The following CLCN2 variants were observed in gnomAD, a reference collection of about 807,000 sequenced individuals.
The protein encoded by CLCN2 is chloride voltage-gated channel 2.
A neutral mutation model predicts 108.3 loss-of-function variants in CLCN2; 72 were observed. The observed-to-expected ratio is 0.66, with a 90% CI of 0.55 to 0.81. CLCN2 has a LOEUF of 0.81. Among genes scored for constraint, CLCN2 ranks in the 30% least tolerant of loss-of-function variants. The pLI, the probability that CLCN2 is intolerant of heterozygous loss-of-function variation, is 0.00. For missense variants in CLCN2, 1,048 were observed against 1,205.2 expected, an observed-to-expected ratio of 0.87 and a Z score of 1.93; for synonymous variants, 471 against 467.1, an observed-to-expected ratio of 1.01 and a Z score of -0.11.
At chr3:184,353,007 T>C in intron 18 of CLCN2, 26 bp downstream of exon 18, 1 of 1,601,174 alleles carries the variant, frequency 6.2e-7, no homozygotes, top group Non-Finnish European at 8.6e-7. Flanking sequence ...GCTGAGGCTC[T>C]GTGGACACAG....
At chr3:184,350,229 G>C (rs1238161562) in intron 22 of CLCN2, among the ~76,000 whole-genome samples, 2 of 152,176 alleles carry the variant, frequency 1.3e-5, no homozygotes, top group African/African-American at 4.8e-5. Context: ...CCTGGGAACA[G>C]TGAACTGACA....
chr3:184,352,436 T>G lies in CLCN2; in HGVS notation c.2271+7A>C, dbSNP rs1000967823. On this transcript the variant is annotated splice_region_variant and intron_variant, in intron 20 of 23. Transcript: ENST00000265593. ...CGCCGAGATGCTAGAAGAGCAGGCA[T>G]ACTTACTGCCAGGGAGATTCGGACA... 1.2e-6 allele frequency: 2 copies of G among 1,613,082 alleles called. No individual in the cohort carries two copies. Among genetic ancestry groups the G allele is most frequent in the Non-Finnish European group, 1.7e-6 (2 of 1,179,838 alleles).
rs568335048 is a variant in CLCN2, at chr3:184,353,320, C to G, written c.1958G>C (p.Arg653Thr). The change falls in exon 17 of 24, where the codon AGA becomes ACA. Residue 653 changes from arginine to threonine, a missense_variant. Arg to Thr is a moderately conservative substitution (Grantham distance 71). Coordinates refer to ENST00000265593, the MANE Select transcript of CLCN2 (RefSeq NM_004366.6). ...AGATAGTGGAGAGGTCTGGGTGGCT[C>G]TGCGCTCCTGCATGTGCTGCCGCCG... ...ARRRQHMQER[R>T]ATQTSPLSDQ... 442 of 1,613,534 alleles carry G rather than the reference C, an allele frequency of 2.7e-4. 11 individuals carry two copies. In the South Asian group the frequency reaches 3.6e-3, roughly 13 times the overall value.
Position 184,353,716 on chromosome 3 carries a change from G to GC in CLCN2, c.1800dup (p.Arg601AlafsTer19), listed in dbSNP as rs1560257643. Reference sequence around the variant, plus strand: ...CCCTTGGTCCTGTGCAGTGCCAAACGCAGGTCCCGGAAGGTGCAGCTGAGG... The same window carrying GC: ...CCCTTGGTCCTGTGCAGTGCCAAACGCCAGGTCCCGGAAGGTGCAGCTGAGG... On this transcript the variant is annotated frameshift_variant, in exon 16 of 24. Transcript: ENST00000265593. LOFTEE classifies it high-confidence loss of function. The GC allele has an allele frequency of 6.2e-7, 1 of 1,610,124 alleles. No homozygotes were observed. Among genetic ancestry groups the GC allele is most frequent in the African/African-American group, 1.3e-5 (1 of 75,012 alleles).
In CLCN2 at chr3:184,357,627, A is replaced by G; in HGVS notation, c.765T>C (p.Pro255=). ...CCTAGGAGCCCTGCCTACCTCCAAT[A>G]GGTGCCGCGAAGCAGCAGCCCACCC... is the stretch of plus-strand genomic sequence containing the variant. The part of the protein sequence containing the change: ...AVGVGCCFAA[P]IGGVLFSIEV... The change falls in exon 7 of 24, where the codon CCT becomes CCC. Residue 255 remains proline, a synonymous_variant. Transcript: ENST00000265593. The G allele has an allele frequency of 6.2e-7, 1 of 1,613,988 alleles. No homozygotes were observed. The highest frequency in any genetic ancestry group is 8.5e-7 in the Non-Finnish European group (1 of 1,180,024).
At chr3:184,347,388 C>T (rs1213360139) in intron 22 of CLCN2, 6 of 368,754 alleles carry the variant, frequency 1.6e-5, no homozygotes, top group Non-Finnish European at 3.1e-5. Context: ...CATTTAATTC[C>T]AGTACTGTCC....
At chr3:184,357,895 G>C (rs750047316) in intron 5 of CLCN2, 39 bp from the exon 6 acceptor site, 2 of 1,613,452 alleles carry the variant, frequency 1.2e-6, no homozygotes, top group South Asian at 1.1e-5. Flanking sequence ...GAGGGGGCCC[G>C]CCCTGACCTT....
intron 1 of CLCN2, among the ~76,000 whole-genome samples, chr3:184,360,818 G>T (rs1235858211): frequency 6.6e-6 from 1 of 152,158 alleles, no homozygotes; most frequent in East Asian, 1.9e-4. Context: ...ATAGACAAAG[G>T]TCCCAATTCC....
In CLCN2 at chr3:184,356,002, G is replaced by A. The variant is rs554483779; in HGVS notation, c.1086-224C>T. 29 of 546,166 alleles carry A rather than the reference G, an allele frequency of 5.3e-5. No individual in the cohort carries two copies. In the South Asian group the frequency reaches 5.7e-4, roughly 11 times the overall value. The allele number at this position is 546,166 out of a possible 1,614,324, so 33.8% of individuals were successfully genotyped here. On this transcript the variant is annotated intron_variant, in intron 10 of 23. Coordinates refer to ENST00000265593, the MANE Select transcript of CLCN2 (RefSeq NM_004366.6). ...CCCAAAGACCTTTCTGTCAGCCCCT[G>A]ACTCTGTAGGTGGGTAGCAGCAGCA... is the stretch of plus-strand genomic sequence containing the variant.
Position 184,357,111 on chromosome 3 carries a change from C to T in CLCN2, c.984-17G>A. On this transcript the variant is annotated splice_polypyrimidine_tract_variant and intron_variant, in intron 9 of 23. Coordinates refer to ENST00000265593, the MANE Select transcript of CLCN2 (RefSeq NM_004366.6). ...CTAGCAATACTGGAAAGGGAAGAGG[C>T]ACCTGAGTGAAAAGGAGCCTTCTAG... 5 of 1,611,624 alleles carry T rather than the reference C, an allele frequency of 3.1e-6. No homozygotes were observed. The highest frequency in any genetic ancestry group is 4.2e-6 in the Non-Finnish European group (5 of 1,178,228).
At chr3:184,359,590 T>A (rs1408962295) in intron 1 of CLCN2, among the ~76,000 whole-genome samples, 1 of 152,116 alleles carries the variant, frequency 6.6e-6, no homozygotes. Flanking sequence ...GCAGCCCCAA[T>A]CCTTATCACG....
At chr3:184,356,344 TAA>T (rs879298784) in intron 10 of CLCN2, 69 of 151,708 alleles carry the variant, frequency 4.5e-4, no homozygotes, top group South Asian at 1.6e-3. Flanking sequence ...TTCTGGAGAT[TAA>T]AAAAAAAAAA....
chr3:184,361,233 C>A lies in CLCN2; in HGVS notation c.63+184G>T, dbSNP rs1426626426. 1.3e-5 allele frequency among the ~76,000 whole-genome samples: 2 copies of A among 152,168 alleles called. No homozygotes were observed. Among genetic ancestry groups the A allele is most frequent in the African/African-American group, 4.8e-5 (2 of 41,444 alleles). ...GTCCTCTGCAGGCCCTCAGCCTCAG[C>A]CAGAAACCAGCATGCAGTTTTCCAT... On this transcript the variant is annotated intron_variant, in intron 1 of 23. Coordinates refer to ENST00000265593, the MANE Select transcript of CLCN2 (RefSeq NM_004366.6). This position sits in a 1 kb window ranked among gnomAD's most constrained non-coding sequence, Gnocchi z 6.6.
intron 16 of CLCN2, 92 bp downstream of exon 16, chr3:184,353,570 A>T: frequency 1.3e-6 from 2 of 1,578,136 alleles, no homozygotes. Flanking sequence ...TTCCCTTTGG[A>T]ACCAAGGAGA....
chr3:184,352,174 C>A, intron 21 of CLCN2, 57 bp from the exon 22 acceptor site: 13 of 1,589,502 alleles, frequency 8.2e-6, no homozygotes, highest in Non-Finnish European at 1.1e-5. Flanking sequence ...GACCTCACCT[C>A]CCTGAAAGCT....
intron 2 of CLCN2, 45 bp from the exon 3 acceptor site, chr3:184,358,858 CT>C (rs745838352): frequency 8.4e-5 from 135 of 1,613,738 alleles, no homozygotes; most frequent in Non-Finnish European, 1.1e-4. Context: ...CACCAAAGTG[CT>C]CCTACCCCTT....
rs747140888 is a variant in CLCN2, at chr3:184,346,621, G to A, written c.2682C>T (p.Asp894=). The A allele has an allele frequency of 8.7e-6, 14 of 1,613,920 alleles. No homozygotes were observed. Among genetic ancestry groups the A allele is most frequent in the African/African-American group, 4.0e-5 (3 of 74,934 alleles). The change falls in exon 24 of 24, where the codon GAC becomes GAT. Residue 894 remains aspartate, a synonymous_variant. Coordinates refer to ENST00000265593, the MANE Select transcript of CLCN2 (RefSeq NM_004366.6). The surrounding 1 kb of genome is among the most constrained non-coding windows in gnomAD (Gnocchi z 6.0). ...LPREGSPSDS[D]DKCQ is the part of the protein sequence containing the mutation. ...CACGAGGGGCTCATTGGCATTTGTC[G>A]TCGCTGTCGGAAGGGCTGCCCTCCC...
In CLCN2 at chr3:184,346,611, G is replaced by A; in HGVS notation, c.2692C>T (p.Gln898Ter). The change falls in exon 24 of 24, where the codon CAA becomes TAA. Residue 898 changes from glutamine to a stop codon, truncating the protein, a stop_gained. Coordinates refer to ENST00000265593, the MANE Select transcript of CLCN2 (RefSeq NM_004366.6). LOFTEE classifies it high-confidence loss of function. This position sits in a 1 kb window ranked among gnomAD's most constrained non-coding sequence, Gnocchi z 6.0. ...GSPSDSDDKC[Q>*] The stretch of plus-strand genomic sequence containing the variant: ...CTAGGCCACCCACGAGGGGCTCATT[G>A]GCATTTGTCGTCGCTGTCGGAAGGG... 1 of 1,613,968 alleles carries A rather than the reference G, an allele frequency of 6.2e-7. No individual in the cohort carries two copies. Among genetic ancestry groups the A allele is most frequent in the Non-Finnish European group, 8.5e-7 (1 of 1,180,034 alleles).
At chr3:184,357,929 G>A (rs1256957979) in intron 5 of CLCN2, 33 bp downstream of exon 5, 1 of 1,613,780 alleles carries the variant, frequency 6.2e-7, no homozygotes, top group Admixed American at 1.7e-5. Flanking sequence ...CTTCCACCAG[G>A]AGGGACTCCT....
Sources: allele counts gnomAD v4.1 joint callset (sites outside exome capture counted in the v4.1 genomes callset), GRCh38; gene constraint gnomAD v4.1.1; non-coding constraint Gnocchi (gnomAD v3.1); transcripts MANE v1.5; gene names NCBI Gene and HGNC (gene_info 2026-07-23, HGNC 2026-07-21).